ADAM22: variants seen among roughly 807,000 people sequenced by gnomAD.
ADAM22 encodes the protein ADAM metallopeptidase domain 22.
In ADAM22, 65 loss-of-function variants were observed where a neutral mutation model predicts 144.6. That is an observed-to-expected ratio of 0.45 (90% CI 0.37 to 0.55). The LOEUF (loss-of-function observed/expected upper bound fraction) is 0.55, where lower values mean the gene tolerates loss of function less well. ADAM22 is among the 20% of genes least tolerant of loss of function. The pLI is 0.00. For synonymous variants in ADAM22, 391 were observed against 412.6 expected (o/e 0.95, Z 0.63); for missense variants, 974 against 1,184.9 (o/e 0.82, Z 2.61).
chr7:88,042,687 A>G lies in ADAM22; in HGVS notation c.324-32939A>G, dbSNP rs528641508. ...TAGATTTGTGGCTCAGTTAGTAATT[A>G]TGTTCATCCTCCAATTCAAGTCTTT... On this transcript the variant is annotated intron_variant, in intron 3 of 31. Transcript: ENST00000413139. Among the ~76,000 whole-genome samples the G allele has an allele frequency of 3.2e-4, 48 of 151,960 alleles. No homozygotes were observed. The South Asian group carries it at 9.1e-3, about 29-fold the overall frequency.
chr7:88,063,665 A>G (rs1419453507), intron 3 of ADAM22, among the ~76,000 whole-genome samples: 1 of 152,190 alleles, frequency 6.6e-6, no homozygotes, highest in Non-Finnish European at 1.5e-5. Flanking sequence ...AAGACATACA[A>G]TTTTGATGTT....
At chr7:88,177,874 G>C (rs1846061304) in intron 26 of ADAM22, among the ~76,000 whole-genome samples, 1 of 152,144 alleles carries the variant, frequency 6.6e-6, no homozygotes, top group African/African-American at 2.4e-5. Flanking sequence ...GCAAATTTGT[G>C]CTTTTGCTAG....
rs748777929 is a variant in ADAM22 at position 88,116,738 on chromosome 7, A to T, written c.538-7A>T. On this transcript the variant is annotated splice_polypyrimidine_tract_variant and splice_region_variant and intron_variant, in intron 6 of 31. Coordinates refer to ENST00000413139, the MANE Select transcript of ADAM22 (RefSeq NM_001324418.2). ...ATGCTTAATCACTGTTGCTTGTGTC[A>T]TTTCAGGAGGATTTCCATTTTCATT... 4 of 1,611,508 alleles carry T rather than the reference A, an allele frequency of 2.5e-6. No individual in the cohort carries two copies. The highest frequency in any genetic ancestry group is 2.7e-5 in the African/African-American group (2 of 74,840).
At chr7:88,022,012 A>G (rs1000987124) in intron 3 of ADAM22, among the ~76,000 whole-genome samples, 27 of 151,978 alleles carry the variant, frequency 1.8e-4, no homozygotes, top group Non-Finnish European at 1.6e-4. Context: ...GTTGAGGACT[A>G]CAGACATGTA....
intron 4 of ADAM22, among the ~76,000 whole-genome samples, chr7:88,088,614 A>G (rs1819041100): frequency 6.6e-6 from 1 of 152,092 alleles, no homozygotes; most frequent in Non-Finnish European, 1.5e-5. Context: ...CTAACTTTAT[A>G]ATTCCTGTGA....
At chr7:87,964,169 G>A (rs1848567881) in intron 2 of ADAM22, among the ~76,000 whole-genome samples, 2 of 152,024 alleles carry the variant, frequency 1.3e-5, no homozygotes, top group African/African-American at 2.4e-5. Context: ...TTCTGAGCTG[G>A]GCTCAGCACT....
chr7:88,195,848 G>T (rs1850578896), intron 31 of ADAM22, among the ~76,000 whole-genome samples: 1 of 152,186 alleles, frequency 6.6e-6, no homozygotes, highest in Admixed American at 6.5e-5. Flanking sequence ...GGTAGTGATA[G>T]AAGTGGAGTG....
At position 88,160,583 on chromosome 7, in the gene ADAM22, G is replaced by A. The variant is rs561227490; in HGVS notation, c.1908-2429G>A. On this transcript the variant is annotated intron_variant, in intron 22 of 31. Transcript: ENST00000413139. ...CACCTGCAACCATCTGATCTTCGATGAAGCTGACAAAAACAAGTAATGGGG... is the reference window on the plus strand; with the variant it reads ...CACCTGCAACCATCTGATCTTCGATAAAGCTGACAAAAACAAGTAATGGGG... 5.3e-5 allele frequency among the ~76,000 whole-genome samples: 8 copies of A among 152,192 alleles called. No individual in the cohort carries two copies. The East Asian group carries it at 1.4e-3, about 26-fold the overall frequency.
intron 2 of ADAM22, among the ~76,000 whole-genome samples, chr7:87,960,398 C>CTG (rs1307203856): frequency 6.0e-4 from 54 of 89,300 alleles, no homozygotes; most frequent in African/African-American, 1.8e-3. Context: ...GTGTGTGTGT[C>CTG]TGTGTGTGTG....
intron 2 of ADAM22, among the ~76,000 whole-genome samples, chr7:87,935,793 C>T (rs1841111201): frequency 6.6e-6 from 1 of 152,138 alleles, no homozygotes; most frequent in Admixed American, 6.5e-5. Flanking sequence ...TAGGGCTGTG[C>T]TGTTTGTTGA....
chr7:87,937,438 G>C (rs1446583275), intron 2 of ADAM22, among the ~76,000 whole-genome samples: 1 of 152,174 alleles, frequency 6.6e-6, no homozygotes, highest in Non-Finnish European at 1.5e-5. Flanking sequence ...CTTTCTAGGA[G>C]AGGAAGAGAG....
intron 2 of ADAM22, 142 bp from the exon 3 acceptor site, chr7:87,978,194 C>CT (rs1219282869): frequency 1.5e-6 from 1 of 674,500 alleles, no homozygotes; most frequent in African/African-American, 1.8e-5. Flanking sequence ...GTAAATTTTA[C>CT]TTTAATATGT....
chr7:88,178,525 A>G (rs1391161111), intron 26 of ADAM22, among the ~76,000 whole-genome samples: 1 of 152,168 alleles, frequency 6.6e-6, no homozygotes, highest in Admixed American at 6.5e-5. Flanking sequence ...TTTAGAAATT[A>G]TAAATAGTTT....
At chr7:88,066,144 A>T (rs894450471) in intron 3 of ADAM22, among the ~76,000 whole-genome samples, 7 of 152,182 alleles carry the variant, frequency 4.6e-5, no homozygotes, top group Admixed American at 2.6e-4. Flanking sequence ...GAATTGTTAT[A>T]TTCTTCATGT....
chr7:88,190,707 T>C (rs1328638609), intron 30 of ADAM22, among the ~76,000 whole-genome samples: 1 of 152,186 alleles, frequency 6.6e-6, no homozygotes, highest in African/African-American at 2.4e-5. Context: ...GGAGATCGTT[T>C]TGAAGAAACG....
At chr7:88,132,746 T>G in intron 11 of ADAM22, 121 bp from the exon 12 acceptor site, 1 of 709,344 alleles carries the variant, frequency 1.4e-6, no homozygotes. Context: ...TCCCTTGCAA[T>G]GTGAATATAT....
At chr7:87,959,940 G>GA (rs2129445057) in intron 2 of ADAM22, among the ~76,000 whole-genome samples, 1 of 152,160 alleles carries the variant, frequency 6.6e-6, no homozygotes, top group African/African-American at 2.4e-5. Context: ...TGAATTCATT[G>GA]TTTTTTCCTT....
intron 3 of ADAM22, among the ~76,000 whole-genome samples, chr7:88,034,403 G>A (rs1000937560): frequency 2.3e-4 from 35 of 152,128 alleles, no homozygotes; most frequent in African/African-American, 8.2e-4. Flanking sequence ...GGCTGAGCTG[G>A]TATCCAAGTT....
intron 3 of ADAM22, among the ~76,000 whole-genome samples, chr7:88,044,808 C>T (rs527285155): frequency 3.0e-4 from 45 of 152,060 alleles, no homozygotes; most frequent in African/African-American, 1.1e-3. Context: ...TCACTGCAAC[C>T]TCTGCCTCCT....
Sources: gnomAD v4.1 joint callset for allele counts (sites outside exome capture counted in the v4.1 genomes callset) on GRCh38, gnomAD v4.1.1 for gene constraint, MANE v1.5 for transcripts, NCBI Gene and HGNC (gene_info 2026-07-23, HGNC 2026-07-21) for gene names.